The following ADRA1B variants were observed in gnomAD, a reference collection of about 807,000 sequenced individuals.
ADRA1B encodes alpha-1B adrenergic receptor.
ADRA1B carries 17 observed loss-of-function variants against 17.9 expected under a neutral mutation model. The ratio of observed to expected loss-of-function variants is 0.95; its 90% CI spans 0.65 to 1.42. The LOEUF (loss-of-function observed/expected upper bound fraction) is 1.42, where lower values mean the gene tolerates loss of function less well. Ranked by LOEUF, ADRA1B falls within the 40% of genes most tolerant of loss-of-function variation. The pLI is 0.00. For synonymous variants in ADRA1B, 366 were observed against 327.6 expected, an observed-to-expected ratio of 1.12 and a Z score of -1.27; for missense variants, 681 against 722.1, an observed-to-expected ratio of 0.94 and a Z score of 0.65.
chr5:159,896,972 C>A (rs575050849), intron 1 of ADRA1B, among the ~76,000 whole-genome samples: 1 of 152,274 alleles, frequency 6.6e-6, no homozygotes, highest in South Asian at 2.1e-4. Flanking sequence ...TAATATGAGA[C>A]AATGGAAAAA....
Position 159,870,800 on chromosome 5 carries a change from A to G in ADRA1B, c.-256+5594A>G, listed in dbSNP as rs982834183. On this transcript the variant is annotated intron_variant, in intron 1 of 2. Coordinates refer to the ADRA1B transcript ENST00000641205. The stretch of plus-strand genomic sequence containing the variant: ...AAAAGTCATAAATAGAGGATAGTCA[A>G]AAGTTCCCTTGAAAATCCCTTATGA... 4.6e-5 allele frequency: 7 copies of G among 152,264 alleles called. 2 individuals carry two copies. The highest frequency in any genetic ancestry group is 4.6e-4 in the Admixed American group (7 of 15,286). The allele number at this position is 152,264 out of a possible 1,614,324, so 9.4% of individuals were successfully genotyped here. A position where few individuals can be genotyped will look rare whatever the true frequency, so the allele number is the denominator to read the frequency against.
intron 1 of ADRA1B, among the ~76,000 whole-genome samples, chr5:159,885,907 T>C (rs1218762397): frequency 2.0e-5 from 3 of 152,190 alleles, no homozygotes; most frequent in Admixed American, 6.5e-5. Context: ...ATCCCCATTA[T>C]ACAGTTGAAA....
chr5:159,948,012 C>G, intron 1 of ADRA1B: 1 of 985,446 alleles, frequency 1.0e-6, no homozygotes, highest in South Asian at 4.7e-5. Context: ...TTGCTGCTGT[C>G]TAATTAGTAA....
chr5:159,920,453 A>G (rs542444215), intron 1 of ADRA1B, among the ~76,000 whole-genome samples: 41 of 152,102 alleles, frequency 2.7e-4, no homozygotes, highest in Non-Finnish European at 5.1e-4. Context: ...CTTCCACACA[A>G]TAAAAAGTGA....
chr5:159,927,166 G>A (rs567028370), intron 1 of ADRA1B, among the ~76,000 whole-genome samples: 156 of 152,158 alleles, frequency 1.0e-3, no homozygotes, highest in African/African-American at 3.6e-3. Flanking sequence ...CTGCCTCTGG[G>A]GGAGATTGTC....
chr5:159,921,378 TC>T (rs1754476341), intron 1 of ADRA1B, among the ~76,000 whole-genome samples: 1 of 152,194 alleles, frequency 6.6e-6, no homozygotes, highest in South Asian at 2.1e-4. Context: ...TATTTCTTAC[TC>T]CATGAGCCAT....
downstream of ADRA1B, among the ~76,000 whole-genome samples, chr5:159,973,726 G>A (rs1201596712): frequency 6.6e-6 from 1 of 152,158 alleles, no homozygotes; most frequent in Non-Finnish European, 1.5e-5. Flanking sequence ...GATAACTTGG[G>A]TTCTAGTCTC....
At chr5:159,952,142 T>A (rs1755455222) in intron 1 of ADRA1B, among the ~76,000 whole-genome samples, 1 of 152,156 alleles carries the variant, frequency 6.6e-6, no homozygotes, top group South Asian at 2.1e-4. Context: ...AAATTGCCTT[T>A]TGGTACAGGA....
At chr5:159,923,267 G>A (rs897398029) in intron 1 of ADRA1B, among the ~76,000 whole-genome samples, 12 of 152,280 alleles carry the variant, frequency 7.9e-5, no homozygotes, top group East Asian at 1.9e-4. Flanking sequence ...AGCAGGGTTC[G>A]AAGCAGATGA....
intron 1 of ADRA1B, among the ~76,000 whole-genome samples, chr5:159,944,891 C>T (rs1163796609): frequency 6.6e-6 from 1 of 152,138 alleles, no homozygotes; most frequent in Non-Finnish European, 1.5e-5. Context: ...AAGCCACTGC[C>T]TCCATGAAGC....
chr5:159,915,287 C>T (rs2113140544), upstream of ADRA1B, among the ~76,000 whole-genome samples: 1 of 152,316 alleles, frequency 6.6e-6, no homozygotes, highest in Non-Finnish European at 1.5e-5. Context: ...AACAGCTAAA[C>T]TTCCCCATAA....
chr5:159,953,457 A>G (rs551639382), intron 1 of ADRA1B, among the ~76,000 whole-genome samples: 10 of 152,174 alleles, frequency 6.6e-5, no homozygotes, highest in Non-Finnish European at 1.0e-4. Context: ...GCGTGTAACC[A>G]GCACCTCCCC....
intron 1 of ADRA1B, among the ~76,000 whole-genome samples, chr5:159,930,010 C>T (rs532275011): frequency 6.6e-6 from 1 of 152,324 alleles, no homozygotes; most frequent in East Asian, 1.9e-4. Flanking sequence ...TCATTTTTCA[C>T]TCAACAGCAT....
At chr5:159,945,949 A>T (rs190944380) in intron 1 of ADRA1B, among the ~76,000 whole-genome samples, 4 of 152,084 alleles carry the variant, frequency 2.6e-5, no homozygotes, top group African/African-American at 7.2e-5. Flanking sequence ...GGGTTTCACC[A>T]TGTTAGCCAG....
intron 1 of ADRA1B, among the ~76,000 whole-genome samples, chr5:159,963,645 T>G (rs2113285796): frequency 6.6e-6 from 1 of 152,340 alleles, no homozygotes; most frequent in South Asian, 2.1e-4. Context: ...ACTTAGCCCA[T>G]CGCCTGGCAC....
chr5:159,968,054 C>T (rs1485472961), intron 1 of ADRA1B, among the ~76,000 whole-genome samples: 3 of 152,170 alleles, frequency 2.0e-5, no homozygotes, highest in African/African-American at 4.8e-5. Context: ...CACCACACCC[C>T]AAACTCATCT....
intron 1 of ADRA1B, among the ~76,000 whole-genome samples, chr5:159,963,429 C>T (rs1056503841): frequency 3.3e-5 from 5 of 152,068 alleles, no homozygotes; most frequent in African/African-American, 9.7e-5. Context: ...TCTGTGGCCT[C>T]GGGCAACTTA....
In ADRA1B at chr5:159,967,750, T is replaced by C. The variant is rs1327948809; in HGVS notation, c.950-4129T>C. Among the ~76,000 whole-genome samples the C allele has an allele frequency of 2.0e-5, 3 of 152,106 alleles. No individual in the cohort carries two copies. In the East Asian group the frequency reaches 5.8e-4, roughly 29 times the overall value. On this transcript the variant is annotated intron_variant, in intron 1 of 1. Coordinates refer to ENST00000306675, the MANE Select transcript of ADRA1B (RefSeq NM_000679.4). ...CTTCTTCTCAGAGGAATAAACAGTGTAATGAGCCCAAACCCAAAATGTGGC... is the reference window on the plus strand; with the variant it reads ...CTTCTTCTCAGAGGAATAAACAGTGCAATGAGCCCAAACCCAAAATGTGGC...
At chr5:159,883,745 G>A (rs1185889172) in intron 1 of ADRA1B, among the ~76,000 whole-genome samples, 2 of 152,204 alleles carry the variant, frequency 1.3e-5, no homozygotes, top group Non-Finnish European at 1.5e-5. Context: ...TCTAAGAAGA[G>A]GGTGATGAAC....
Sources: gnomAD v4.1 joint callset for allele counts (sites outside exome capture counted in the v4.1 genomes callset) on GRCh38, gnomAD v4.1.1 for gene constraint, MANE v1.5 for transcripts, NCBI Gene and HGNC (gene_info 2026-07-23, HGNC 2026-07-21) for gene names.